Variants in HIVEP3 observed in about 807,000 individuals in gnomAD.
The protein encoded by HIVEP3 is HIVEP zinc finger 3, also known as transcription factor HIVEP3.
Under a neutral mutation model 152.8 loss-of-function variants are expected in HIVEP3, and 49 were observed. The observed-to-expected ratio is 0.32, with a 90% confidence interval of 0.26 to 0.41. HIVEP3 has a LOEUF of 0.41. Ranked by LOEUF, HIVEP3 falls within the 10% of genes least tolerant of loss-of-function variation. The pLI is 1.00. For missense variants in HIVEP3, 2,790 were observed against 3,103.3 expected, an observed-to-expected ratio of 0.90 and a Z score of 2.40; for synonymous variants, 1,269 against 1,289.0, an observed-to-expected ratio of 0.98 and a Z score of 0.33.
chr1:41,840,290 C>G (rs906386280), intron 1 of HIVEP3, among the ~76,000 whole-genome samples: 1 of 152,110 alleles, frequency 6.6e-6, no homozygotes, highest in Non-Finnish European at 1.5e-5. Context: ...ATAGAGTAGA[C>G]CCCAAATCCA....
intron 2 of HIVEP3, among the ~76,000 whole-genome samples, chr1:41,670,050 G>A (rs1645850729): frequency 6.6e-6 from 1 of 152,160 alleles, no homozygotes; most frequent in Non-Finnish European, 1.5e-5. Flanking sequence ...CTCCCTGGGA[G>A]GGCCTCTTTG....
In HIVEP3 at chr1:41,662,376, C is replaced by A. The variant is rs1298621617; in HGVS notation, c.-720-33429G>T. 2 of 148,200 alleles carry A rather than the reference C, an allele frequency of 1.3e-5. No homozygotes were observed. Among genetic ancestry groups the A allele is most frequent in the African/African-American group, 2.4e-5 (1 of 40,984 alleles). The allele number at this position is 148,200 out of a possible 1,614,324, so 9.2% of individuals were successfully genotyped here. ...GCGCGGCTCCGGGCCGCCCCGCGGC[C>A]GCTTGGAAGCTCCTTATTTGGGCAG... On this transcript the variant is annotated intron_variant, in intron 2 of 8. Transcript: ENST00000372583. This position sits in a 1 kb window ranked among gnomAD's most constrained non-coding sequence, Gnocchi z 7.2.
intron 5 of HIVEP3, chr1:41,541,985 T>C (rs961368002): frequency 2.0e-5 from 3 of 152,258 alleles, no homozygotes; most frequent in African/African-American, 7.2e-5. Context: ...ACTTAGTTAA[T>C]ATAGGTTATG....
At chr1:41,711,765 C>T (rs535752733) in intron 1 of HIVEP3, among the ~76,000 whole-genome samples, 84 of 152,290 alleles carry the variant, frequency 5.5e-4, no homozygotes, top group African/African-American at 1.9e-3. Context: ...GTGGTTCCAA[C>T]GATGCCCACC....
intron 5 of HIVEP3, among the ~76,000 whole-genome samples, chr1:41,536,555 G>A (rs1024166835): frequency 8.5e-5 from 13 of 152,088 alleles, no homozygotes; most frequent in East Asian, 1.9e-4. Flanking sequence ...CAGGGGAGGC[G>A]TAGGAGGGGA....
chr1:41,894,238 C>G (rs1644494863), intron 1 of HIVEP3, among the ~76,000 whole-genome samples: 1 of 152,136 alleles, frequency 6.6e-6, no homozygotes, highest in Non-Finnish European at 1.5e-5. Flanking sequence ...TAGTGTTAAC[C>G]TGACCTCCCC....
At chr1:41,757,019 AG>A (rs1647340909) in intron 1 of HIVEP3, among the ~76,000 whole-genome samples, 1 of 151,946 alleles carries the variant, frequency 6.6e-6, no homozygotes, top group Non-Finnish European at 1.5e-5. Flanking sequence ...GATCTCAAAG[AG>A]GAGGGCGGAT....
chr1:41,681,363 G>C (rs1646036142), intron 2 of HIVEP3, among the ~76,000 whole-genome samples: 1 of 152,166 alleles, frequency 6.6e-6, no homozygotes. Context: ...CAAAGTGCTG[G>C]GATTGCATCC....
chr1:41,769,438 TC>T (rs1648214855), intron 1 of HIVEP3, among the ~76,000 whole-genome samples: 1 of 151,960 alleles, frequency 6.6e-6, no homozygotes, highest in South Asian at 2.1e-4. Context: ...CTAGGGCACA[TC>T]CCATGATGTT....
chr1:41,621,627 G>A (rs1006152031), intron 3 of HIVEP3, among the ~76,000 whole-genome samples: 30 of 152,310 alleles, frequency 2.0e-4, no homozygotes, highest in Middle Eastern at 3.4e-3. Flanking sequence ...CCATCCACCC[G>A]CTTCAGTCTC....
chr1:41,905,165 C>T (rs72671289), intron 1 of HIVEP3, among the ~76,000 whole-genome samples: 2,063 of 152,196 alleles, frequency 0.014, 39 homozygotes, highest in African/African-American at 0.047. Flanking sequence ...AGAGAAGGAA[C>T]AAAGCAAACA....
intron 1 of HIVEP3, among the ~76,000 whole-genome samples, chr1:41,702,431 T>A (rs745754355): frequency 1.2e-4 from 18 of 152,236 alleles, no homozygotes; most frequent in Non-Finnish European, 2.2e-4. Context: ...GCTCTGTAAT[T>A]TCAGAGTTGC....
At chr1:41,602,599 A>G (rs1195023822) in intron 3 of HIVEP3, among the ~76,000 whole-genome samples, 4 of 151,930 alleles carry the variant, frequency 2.6e-5, no homozygotes, top group Admixed American at 2.0e-4. Flanking sequence ...TTTAATTTAT[A>G]ATTTTATTTA....
intron 1 of HIVEP3, among the ~76,000 whole-genome samples, chr1:41,809,412 T>A (rs1395454200): frequency 6.6e-6 from 1 of 152,200 alleles, no homozygotes; most frequent in Admixed American, 6.5e-5. Context: ...CCATGGCAGG[T>A]GCCACTAATC....
chr1:41,961,732 C>T (rs1027423940), intron 1 of HIVEP3, among the ~76,000 whole-genome samples: 7 of 152,202 alleles, frequency 4.6e-5, no homozygotes, highest in African/African-American at 9.7e-5. Context: ...AATATGAAAG[C>T]GAGAGAAAAC....
intron 1 of HIVEP3, among the ~76,000 whole-genome samples, chr1:41,710,750 G>A (rs777973322): frequency 2.0e-5 from 3 of 152,152 alleles, no homozygotes; most frequent in Admixed American, 6.5e-5. Context: ...GTGTCCTGCC[G>A]TGGCCTCACA....
chr1:41,996,497 G>A (rs1370748457), intron 1 of HIVEP3, among the ~76,000 whole-genome samples: 2 of 152,034 alleles, frequency 1.3e-5, no homozygotes, highest in East Asian at 3.9e-4. Context: ...CACCTGGGCT[G>A]GGGTGGCTCA....
At chr1:41,545,658 ACCCCTG>A (rs1415193885) in intron 5 of HIVEP3, among the ~76,000 whole-genome samples, 1 of 126,898 alleles carries the variant, frequency 7.9e-6, no homozygotes, top group Non-Finnish European at 1.6e-5. Flanking sequence ...CACCACTACC[ACCCCTG>A]CCACAGCCAC....
chr1:41,803,424 T>C (rs958207947), intron 1 of HIVEP3, among the ~76,000 whole-genome samples: 1 of 152,192 alleles, frequency 6.6e-6, no homozygotes, highest in Non-Finnish European at 1.5e-5. Flanking sequence ...ATCCAGCTAC[T>C]AATGACCCCA....
Sources: allele counts gnomAD v4.1 joint callset (sites outside exome capture counted in the v4.1 genomes callset), GRCh38; gene constraint gnomAD v4.1.1; non-coding constraint Gnocchi (gnomAD v3.1); transcripts MANE v1.5; gene names NCBI Gene and HGNC (gene_info 2026-07-23, HGNC 2026-07-21).